Variants in SCN3A observed in about 807,000 individuals in gnomAD.
The protein encoded by SCN3A is sodium voltage-gated channel alpha subunit 3, also known as sodium channel protein type 3 subunit alpha.
Under a neutral mutation model 187.6 loss-of-function variants are expected in SCN3A, and 60 were observed. The observed-to-expected ratio is 0.32, with a 90% CI of 0.26 to 0.40. The LOEUF (loss-of-function observed/expected upper bound fraction) is 0.40, where lower values mean the gene tolerates loss of function less well. Ranked by LOEUF, SCN3A falls within the 10% of genes least tolerant of loss-of-function variation. SCN3A has a pLI of 1.00. For missense variants in SCN3A, 1,601 were observed against 2,428.2 expected, an observed-to-expected ratio of 0.66 and a Z score of 7.16; for synonymous variants, 788 against 829.2, an observed-to-expected ratio of 0.95 and a Z score of 0.85.
At chr2:165,143,107 A>G (rs796369080) in intron 12 of SCN3A, among the ~76,000 whole-genome samples, 3 of 152,228 alleles carry the variant, frequency 2.0e-5, no homozygotes, top group African/African-American at 7.2e-5. Flanking sequence ...AGAGTTAAAA[A>G]TATATATTTT....
Position 165,091,255 on chromosome 2 carries a change from C to T in SCN3A, c.4898G>A (p.Arg1633His). The T allele has an allele frequency of 6.2e-7, 1 of 1,614,076 alleles. No homozygotes were observed. The highest frequency in any genetic ancestry group is 8.5e-7 in the Non-Finnish European group (1 of 1,179,996). ...GATCCCCTTTGCTCCTTTGATCAGA[C>T]GTAGGATTCGGCCAATCCTGGCAAG... ...IRLARIGRIL[R>H]LIKGAKGIRT... The change falls in exon 28 of 28, where the codon CGT becomes CAT. Residue 1633 changes from arginine (R) to histidine (H), a missense_variant. By Grantham distance (29) the Arg-to-His change is conservative (BLOSUM62 0). Around this residue, in one of 11 missense-constraint regions of SCN3A, gnomAD observed 320 missense variants for 623.2 expected, o/e 0.51. Coordinates refer to ENST00000283254, the MANE Select transcript of SCN3A (RefSeq NM_006922.4).
chr2:165,147,225 T>A (rs527557203), intron 11 of SCN3A, among the ~76,000 whole-genome samples, 196 bp from the exon 12 acceptor site: 1 of 149,462 alleles, frequency 6.7e-6, no homozygotes, highest in African/African-American at 2.4e-5. Context: ...AATATGCTAG[T>A]GTATGCATTA....
chr2:165,165,198 C>G lies in SCN3A; in HGVS notation c.474-678G>C, dbSNP rs530866459. 5.3e-5 allele frequency among the ~76,000 whole-genome samples: 8 copies of G among 151,858 alleles called. No homozygotes were observed. The South Asian group carries it at 1.7e-3, about 32-fold the overall frequency. On this transcript the variant is annotated intron_variant, in intron 5 of 27. Transcript: ENST00000283254. Reference sequence around the variant, plus strand: ...TCATGTAGAGTTATAAACTGCCCCCCATTTCTCTCTCTTCTTTCTCTCTCT... The same window carrying G: ...TCATGTAGAGTTATAAACTGCCCCCGATTTCTCTCTCTTCTTTCTCTCTCT...
At chr2:165,178,436 C>T (rs1690610980) in intron 2 of SCN3A, among the ~76,000 whole-genome samples, 1 of 152,086 alleles carries the variant, frequency 6.6e-6, no homozygotes. Context: ...CGCCATTTTG[C>T]CCAGGCTGAT....
At chr2:165,202,012 A>G (rs2106003030) in intron 1 of SCN3A, among the ~76,000 whole-genome samples, 1 of 152,188 alleles carries the variant, frequency 6.6e-6, no homozygotes, top group Middle Eastern at 3.4e-3. Flanking sequence ...CAGAACATGA[A>G]CCAGATCCCA....
At chr2:165,145,361 A>G (rs1208066146) in intron 12 of SCN3A, among the ~76,000 whole-genome samples, 1 of 152,106 alleles carries the variant, frequency 6.6e-6, no homozygotes, top group African/African-American at 2.4e-5. Context: ...TCAGAGCTTC[A>G]AGTTAATTCC....
At chr2:165,144,824 G>A (rs1015481806) in intron 12 of SCN3A, among the ~76,000 whole-genome samples, 9 of 151,902 alleles carry the variant, frequency 5.9e-5, no homozygotes, top group Admixed American at 2.6e-4. Flanking sequence ...ATTCTTTGAG[G>A]TATTTTCAGC....
chr2:165,140,755 G>A lies in SCN3A; in HGVS notation c.1915C>T (p.Pro639Ser), dbSNP rs1162133654. ...GTGCTGTGCATCTTCCCATTTGCTG[G>A]AAGCCCTGGCACCATCCTGGATGAC... ...SMSSRMVPGL[P>S]ANGKMHSTVD... Residue 639 changes from proline (P) to serine (S), a missense_variant, in exon 13 of 28, where the codon CCA becomes TCA. This residue lies in a region of SCN3A where 376 missense variants were observed against 476.0 expected (regional missense o/e 0.79). Coordinates refer to ENST00000283254, the MANE Select transcript of SCN3A (RefSeq NM_006922.4). The surrounding 1 kb of genome is among the most constrained non-coding windows in gnomAD (Gnocchi z 4.2). 5 of 1,613,852 alleles carry A rather than the reference G, an allele frequency of 3.1e-6. No individual in the cohort carries two copies. In the African/African-American group the frequency reaches 6.7e-5, roughly 22 times the overall value.
chr2:165,150,761 A>T lies in SCN3A; in HGVS notation c.1380+3691T>A, dbSNP rs192835758. 2.0e-5 allele frequency among the ~76,000 whole-genome samples: 3 copies of T among 152,056 alleles called. No individual in the cohort carries two copies. The East Asian group carries it at 5.8e-4, about 29-fold the overall frequency. On this transcript the variant is annotated intron_variant, in intron 11 of 27. Transcript: ENST00000283254. ...CTAAAATGGCTGCATTTTAGAATAA[A>T]CTCATTATCTGTGTAGGATTTTCAA... is the stretch of plus-strand genomic sequence containing the variant.
intron 3 of SCN3A, among the ~76,000 whole-genome samples, chr2:165,172,775 T>A (rs1690185441): frequency 6.6e-6 from 1 of 152,160 alleles, no homozygotes; most frequent in African/African-American, 2.4e-5. Context: ...ACAGCTGACA[T>A]GCTAAGAGCA....
intron 21 of SCN3A, among the ~76,000 whole-genome samples, chr2:165,101,722 A>G (rs1173666781): frequency 6.6e-6 from 1 of 152,212 alleles, no homozygotes; most frequent in East Asian, 1.9e-4. Flanking sequence ...TCCTATGAAA[A>G]AAGGCTGTTG....
At chr2:165,101,326 G>C (rs940861075) in intron 21 of SCN3A, among the ~76,000 whole-genome samples, 5 of 152,004 alleles carry the variant, frequency 3.3e-5, no homozygotes, top group African/African-American at 1.2e-4. Context: ...TTTTGGGGGA[G>C]GAAGTTTATT....
intron 11 of SCN3A, among the ~76,000 whole-genome samples, chr2:165,147,372 T>A (rs1688422668): frequency 6.6e-6 from 1 of 152,016 alleles, no homozygotes; most frequent in Non-Finnish European, 1.5e-5. Context: ...GTTGCTTATC[T>A]AACTACCATT....
chr2:165,150,850 A>G (rs1028326432), intron 11 of SCN3A, among the ~76,000 whole-genome samples: 2 of 152,216 alleles, frequency 1.3e-5, no homozygotes, highest in African/African-American at 4.8e-5. Context: ...AAATACAATC[A>G]TATGCAATTT....
chr2:165,155,626 TG>T, intron 10 of SCN3A, 135 bp downstream of exon 10: 2 of 909,366 alleles, frequency 2.2e-6, no homozygotes, highest in Non-Finnish European at 3.4e-6. Context: ...CTCGAATTCC[TG>T]GACTCAAGTG....
chr2:165,137,804 A>G, intron 15 of SCN3A, 75 bp downstream of exon 15: 1 of 1,171,342 alleles, frequency 8.5e-7, no homozygotes, highest in Non-Finnish European at 1.3e-6. Context: ...TCAACACAGC[A>G]CAAATACATC....
At position 165,139,509 on chromosome 2, in the gene SCN3A, T is replaced by C. The variant is rs1687867619; in HGVS notation, c.2119A>G (p.Ser707Gly). 6.2e-7 allele frequency: 1 copy of C among 1,613,868 alleles called. No individual in the cohort carries two copies. The highest frequency in any genetic ancestry group is 8.5e-7 in the Non-Finnish European group (1 of 1,179,916). Residue 707 changes from serine (S) to glycine (G), a missense_variant, in exon 14 of 28, where the codon AGC becomes GGC. Ser to Gly is a moderately conservative substitution (Grantham distance 56, BLOSUM62 0). Coordinates refer to ENST00000283254, the MANE Select transcript of SCN3A (RefSeq NM_006922.4). ...EDSSGRQRAV[S>G]IASILTNTME... ...GTGTTGGTCAGAATGCTGGCTATGCTCACGGCTCTTTGCCTTCCAGAGGAA... is the reference window on the plus strand; with the variant it reads ...GTGTTGGTCAGAATGCTGGCTATGCCCACGGCTCTTTGCCTTCCAGAGGAA...
chr2:165,126,101 T>TA (rs1202076970), intron 18 of SCN3A, among the ~76,000 whole-genome samples: 1 of 152,054 alleles, frequency 6.6e-6, no homozygotes, highest in Admixed American at 6.5e-5. Context: ...TACACTTATT[T>TA]AAAAAAAAGA....
rs147798794 is a variant in SCN3A at position 165,143,565 on chromosome 2, A to G, written c.1672-2567T>C. 1.4e-3 allele frequency among the ~76,000 whole-genome samples: 219 copies of G among 152,320 alleles called. 2 individuals carry two copies. Among genetic ancestry groups the G allele is most frequent in the Admixed American group, 2.9e-3 (45 of 15,284 alleles). On this transcript the variant is annotated intron_variant, in intron 12 of 27. Transcript: ENST00000283254. ...GATAACAGAAATAGCATTCAGAGAA[A>G]ATAAACCAAAAATAACACACTAGAA... is the stretch of plus-strand genomic sequence containing the variant.
Sources: gnomAD v4.1 joint callset for allele counts (sites outside exome capture counted in the v4.1 genomes callset) on GRCh38, gnomAD v4.1.1 for gene constraint, gnomAD v4.1.1 regional missense constraint, Gnocchi (gnomAD v3.1) non-coding constraint, MANE v1.5 for transcripts, NCBI Gene and HGNC (gene_info 2026-07-23, HGNC 2026-07-21) for gene names.